Variants in ARHGEF28 observed in about 807,000 individuals in gnomAD.
ARHGEF28 encodes the protein Rho guanine nucleotide exchange factor 28.
Under a neutral mutation model 206.6 loss-of-function variants are expected in ARHGEF28, and 152 were observed. That is an observed-to-expected ratio of 0.74 (90% CI 0.64 to 0.84). The LOEUF (loss-of-function observed/expected upper bound fraction) is 0.84, where lower values mean the gene tolerates loss of function less well. Ranked by LOEUF, ARHGEF28 falls within the 40% of genes least tolerant of loss-of-function variation. The probability of loss-of-function intolerance (pLI) is 0.00; values close to 1 mark genes in which losing one functional copy is unlikely to be tolerated. For missense variants in ARHGEF28, 2,028 were observed against 2,073.2 expected (o/e 0.98, Z 0.42); for synonymous variants, 763 against 776.4 (o/e 0.98, Z 0.29).
intron 2 of ARHGEF28, among the ~76,000 whole-genome samples, chr5:73,711,262 C>T (rs892691815): frequency 1.3e-5 from 2 of 152,114 alleles, no homozygotes; most frequent in African/African-American, 2.4e-5. Context: ...AATTGAGCAG[C>T]GTTGGTCCTC....
intron 2 of ARHGEF28, among the ~76,000 whole-genome samples, chr5:73,696,129 C>T (rs182168293): frequency 7.2e-5 from 11 of 152,284 alleles, no homozygotes; most frequent in South Asian, 6.2e-4. Context: ...TTTCACTAAA[C>T]GTTTGTGGAT....
At chr5:73,714,218 A>C (rs191994009) in intron 2 of ARHGEF28, among the ~76,000 whole-genome samples, 242 of 152,346 alleles carry the variant, frequency 1.6e-3, no homozygotes, top group African/African-American at 5.2e-3. Flanking sequence ...GGAGAAGATC[A>C]AGGTCACTTG....
At chr5:73,745,945 C>T (rs560741476) in intron 2 of ARHGEF28, among the ~76,000 whole-genome samples, 14 of 152,146 alleles carry the variant, frequency 9.2e-5, no homozygotes, top group African/African-American at 3.1e-4. Context: ...TTGCAATAGA[C>T]TTTTATGAAA....
At chr5:73,864,943 C>T in intron 17 of ARHGEF28, 71 bp downstream of exon 17, 1 of 1,376,724 alleles carries the variant, frequency 7.3e-7, no homozygotes, top group Middle Eastern at 1.8e-4. Flanking sequence ...AGCTTTTACT[C>T]TTTTTTATTA....
intron 2 of ARHGEF28, among the ~76,000 whole-genome samples, chr5:73,686,278 G>A (rs1409323268): frequency 6.6e-6 from 1 of 151,952 alleles, no homozygotes; most frequent in Non-Finnish European, 1.5e-5. Context: ...TTTTCTGTGT[G>A]TGCCTTCCTA....
chr5:73,714,822 C>G (rs1749475776), intron 2 of ARHGEF28, among the ~76,000 whole-genome samples: 1 of 152,180 alleles, frequency 6.6e-6, no homozygotes, highest in South Asian at 2.1e-4. Flanking sequence ...TCATTACCCT[C>G]TCCAAAGATA....
intron 2 of ARHGEF28, among the ~76,000 whole-genome samples, chr5:73,717,263 A>C (rs1044133866): frequency 3.3e-5 from 5 of 152,178 alleles, no homozygotes; most frequent in Middle Eastern, 3.4e-3. Flanking sequence ...TTGTAGACTC[A>C]AGCCTGAGGC....
At chr5:73,748,720 G>A (rs145225606) in intron 2 of ARHGEF28, among the ~76,000 whole-genome samples, 1 of 152,260 alleles carries the variant, frequency 6.6e-6, no homozygotes, top group Non-Finnish European at 1.5e-5. Flanking sequence ...GCCGAGCTCT[G>A]GAAGCCCTCC....
chr5:73,820,683 A>C (rs1756527372), intron 9 of ARHGEF28, among the ~76,000 whole-genome samples: 1 of 152,030 alleles, frequency 6.6e-6, no homozygotes, highest in Non-Finnish European at 1.5e-5. Context: ...TCCCCCAGAA[A>C]CGTCTGCCAT....
At chr5:73,815,709 G>T (rs1756162985) in intron 9 of ARHGEF28, among the ~76,000 whole-genome samples, 1 of 152,192 alleles carries the variant, frequency 6.6e-6, no homozygotes, top group Admixed American at 6.5e-5. Flanking sequence ...GAGTTGTAGG[G>T]AATGCATTTA....
intron 13 of ARHGEF28, among the ~76,000 whole-genome samples, chr5:73,851,375 A>G (rs984982287): frequency 6.7e-6 from 1 of 150,288 alleles, no homozygotes; most frequent in Admixed American, 6.6e-5. Context: ...TGTCACTTCC[A>G]AAGAGTTACT....
chr5:73,846,459 G>A lies in ARHGEF28; in HGVS notation c.1619G>A (p.Ser540Asn). The change falls in exon 12 of 36, where the codon AGT becomes AAT. Residue 540 changes from serine to asparagine, a missense_variant. By Grantham distance (46) the Ser-to-Asn change is conservative. This residue lies in a region of ARHGEF28 where 1,002 missense variants were observed against 1,015.3 expected (regional missense o/e 0.99). Transcript: ENST00000513042. ...AGGGCTGAATCCCTTCCTCTATCAA[G>A]TAATCTACAGTCGAAGGTATTCTTA... ...ISRAESLPLS[S>N]NLQSKESLLS... 1.2e-6 allele frequency: 2 copies of A among 1,613,620 alleles called. No individual in the cohort carries two copies. Among genetic ancestry groups the A allele is most frequent in the Non-Finnish European group, 1.7e-6 (2 of 1,179,612 alleles).
At chr5:73,788,025 C>T (rs1224654164) in intron 7 of ARHGEF28, among the ~76,000 whole-genome samples, 1 of 152,090 alleles carries the variant, frequency 6.6e-6, no homozygotes, top group Non-Finnish European at 1.5e-5. Flanking sequence ...TATGTTTGAG[C>T]TCAAAACTCA....
At chr5:73,671,567 T>C (rs1435278667) in intron 1 of ARHGEF28, among the ~76,000 whole-genome samples, 1 of 151,502 alleles carries the variant, frequency 6.6e-6, no homozygotes, top group Non-Finnish European at 1.5e-5. Flanking sequence ...AAATGAGATA[T>C]TGATGAAGAA....
At chr5:73,841,614 A>T (rs771604861) in intron 11 of ARHGEF28, among the ~76,000 whole-genome samples, 7 of 150,814 alleles carry the variant, frequency 4.6e-5, no homozygotes, top group African/African-American at 7.3e-5. Flanking sequence ...TTGGGGTGGG[A>T]GGATCGCTTG....
At chr5:73,914,391 CTTTTTTT>C (rs571265796) in intron 35 of ARHGEF28, among the ~76,000 whole-genome samples, 31 of 102,932 alleles carry the variant, frequency 3.0e-4, no homozygotes, top group Middle Eastern at 5.9e-3. Context: ...TTCTGAATTG[CTTTTTTT>C]TTTTTTTTTT....
At chr5:73,646,230 G>A (rs777527014) in intron 1 of ARHGEF28, among the ~76,000 whole-genome samples, 124 of 152,302 alleles carry the variant, frequency 8.1e-4, no homozygotes, top group Middle Eastern at 3.4e-3. Context: ...TCTTCATGCT[G>A]TATTGCTGCA....
At chr5:73,634,420 A>G (rs1349333581) in intron 1 of ARHGEF28, among the ~76,000 whole-genome samples, 2 of 152,248 alleles carry the variant, frequency 1.3e-5, no homozygotes, top group Non-Finnish European at 2.9e-5. Flanking sequence ...CAAGTGACTT[A>G]TTCTTTGGGA....
chr5:73,821,108 T>G (rs1756558777), intron 9 of ARHGEF28, among the ~76,000 whole-genome samples: 1 of 151,822 alleles, frequency 6.6e-6, no homozygotes, highest in Non-Finnish European at 1.5e-5. Flanking sequence ...CACATCCAGC[T>G]CTCATTCATC....
Sources: gnomAD v4.1 joint callset for allele counts (sites outside exome capture counted in the v4.1 genomes callset) on GRCh38, gnomAD v4.1.1 for gene constraint, gnomAD v4.1.1 regional missense constraint, MANE v1.5 for transcripts, NCBI Gene and HGNC (gene_info 2026-07-23, HGNC 2026-07-21) for gene names.